The following DNAI1 variants were observed in gnomAD, a reference collection of about 807,000 sequenced individuals.
DNAI1 encodes the protein dynein axonemal intermediate chain 1.
A neutral mutation model predicts 92.0 loss-of-function variants in DNAI1; 67 were observed. That is an observed-to-expected ratio of 0.73 (90% CI 0.60 to 0.89). The LOEUF (loss-of-function observed/expected upper bound fraction) is 0.89, where lower values mean the gene tolerates loss of function less well. Among genes scored for constraint, DNAI1 ranks in the 40% least tolerant of loss-of-function variants. The probability of loss-of-function intolerance (pLI) is 0.00; values close to 1 mark genes in which losing one functional copy is unlikely to be tolerated. For missense variants in DNAI1, 839 were observed against 866.6 expected, an observed-to-expected ratio of 0.97 and a Z score of 0.40; for synonymous variants, 323 against 319.6, an observed-to-expected ratio of 1.01 and a Z score of -0.11.
At chr9:34,481,830 G>A (rs1824362443) in intron 1 of DNAI1, among the ~76,000 whole-genome samples, 2 of 152,220 alleles carry the variant, frequency 1.3e-5, no homozygotes. Context: ...AAGCAGCGTG[G>A]ACCCAAAGAG....
chr9:34,491,557 A>G lies in DNAI1; in HGVS notation c.681+3A>G. ...ACTTTTCAGCCACAGCCAATCAGGT[A>G]AGACCCTGGGCCAGCCTGAAACCTC... On this transcript the variant is annotated splice_donor_region_variant and intron_variant, in intron 8 of 19. Coordinates refer to ENST00000242317, the MANE Select transcript of DNAI1 (RefSeq NM_012144.4). 2 of 1,614,208 alleles carry G rather than the reference A, an allele frequency of 1.2e-6. No homozygotes were observed. The highest frequency in any genetic ancestry group is 2.2e-5 in the South Asian group (2 of 91,080).
rs570716480 is a variant in DNAI1, at chr9:34,506,882, A to G, written c.1311+8A>G. 2 of 1,613,200 alleles carry G rather than the reference A, an allele frequency of 1.2e-6. No homozygotes were observed. The highest frequency in any genetic ancestry group is 3.3e-5 in the Admixed American group (2 of 59,902). On this transcript the variant is annotated splice_region_variant and intron_variant, in intron 13 of 19. Transcript: ENST00000242317. ...TCAGACCCTGTGTGGCAGGTCAGCA[A>G]CCAGGCTGGGAGGGGTGGGGATGGG...
chr9:34,509,722 T>TG (rs1263972179), intron 13 of DNAI1, among the ~76,000 whole-genome samples: 2 of 151,668 alleles, frequency 1.3e-5, no homozygotes, highest in African/African-American at 4.8e-5. Flanking sequence ...TGAGAGCTGG[T>TG]GGGGTAGCAA....
At chr9:34,461,686 AG>A (rs1414813495) in intron 1 of DNAI1, among the ~76,000 whole-genome samples, 2 of 152,164 alleles carry the variant, frequency 1.3e-5, no homozygotes, top group Non-Finnish European at 2.9e-5. Context: ...TGCCCCATGG[AG>A]GGAAGGGTTG....
chr9:34,492,716 T>C (rs551645937), intron 8 of DNAI1, among the ~76,000 whole-genome samples: 1 of 151,486 alleles, frequency 6.6e-6, no homozygotes, highest in Admixed American at 6.6e-5. Flanking sequence ...GATGGAGTTT[T>C]TGCCATGTTG....
chr9:34,487,271 C>T (rs904241748), intron 4 of DNAI1, among the ~76,000 whole-genome samples: 2 of 151,920 alleles, frequency 1.3e-5, no homozygotes, highest in Non-Finnish European at 2.9e-5. Context: ...CTGCAAGCTC[C>T]GCCTCCCGGG....
In DNAI1 at chr9:34,493,231, A is replaced by G. The variant is rs1824645064; in HGVS notation, c.719A>G (p.Lys240Arg). 16 of 1,614,088 alleles carry G rather than the reference A, an allele frequency of 9.9e-6. No homozygotes were observed. In the East Asian group the frequency reaches 3.6e-4, roughly 36 times the overall value. Residue 240 changes from lysine to arginine, a missense_variant, in exon 9 of 20, where the codon AAG becomes AGG. Physicochemically the swap from Lys to Arg is conservative, Grantham distance 26 (BLOSUM62 2). Coordinates refer to ENST00000242317, the MANE Select transcript of DNAI1 (RefSeq NM_012144.4). The stretch of plus-strand genomic sequence containing the variant: ...GATGCCTATGTAGAGGAACTTGAGA[A>G]GCAGGAAAAGACCAAAGAGAAGGAG... ...IYDAYVEELE[K>R]QEKTKEKEKA...
chr9:34,493,083 G>A (rs1824640723), intron 8 of DNAI1, 111 bp from the exon 9 acceptor site: 1 of 1,433,730 alleles, frequency 7.0e-7, no homozygotes, highest in Non-Finnish European at 9.8e-7. Context: ...AGTAGAAGAT[G>A]CTTGTTGCCA....
intron 13 of DNAI1, among the ~76,000 whole-genome samples, chr9:34,507,468 G>T (rs754474776): frequency 6.6e-6 from 1 of 152,216 alleles, no homozygotes; most frequent in African/African-American, 2.4e-5. Context: ...TTCATTAAAT[G>T]TAAGTGGATC....
At chr9:34,499,093 T>G (rs1186416470) in intron 10 of DNAI1, among the ~76,000 whole-genome samples, 1 of 152,208 alleles carries the variant, frequency 6.6e-6, no homozygotes, top group Non-Finnish European at 1.5e-5. Context: ...CTCCTTTCCC[T>G]TTGGGAAAGT....
chr9:34,496,740 C>T (rs1408617148), intron 9 of DNAI1, among the ~76,000 whole-genome samples: 1 of 152,186 alleles, frequency 6.6e-6, no homozygotes, highest in East Asian at 1.9e-4. Flanking sequence ...TCTGTCTCCA[C>T]CAAAGAAGGC....
intron 1 of DNAI1, among the ~76,000 whole-genome samples, chr9:34,459,607 G>A (rs1003457432): frequency 1.3e-5 from 2 of 152,106 alleles, no homozygotes; most frequent in Admixed American, 6.5e-5. Context: ...CACCACGCCC[G>A]GCTAAATTTT....
rs1412316100 is a variant in DNAI1, at chr9:34,512,380, G to T, written c.1445G>T (p.Gly482Val). 6.2e-7 allele frequency: 1 copy of T among 1,614,172 alleles called. No homozygotes were observed. Residue 482 changes from glycine (G) to valine (V), a missense_variant, in exon 15 of 20, where the codon GGC becomes GTC. Transcript: ENST00000242317. ...HIDVIKLKVE[G>V]STTEVPEGLQ... ...GATGTCATCAAGCTGAAGGTGGAAG[G>T]CAGCACCACGGAAGTTCCTGAGGGG... is the stretch of plus-strand genomic sequence containing the variant.
rs1427393338 is a variant in DNAI1, at chr9:34,493,274, G to A, written c.762G>A (p.Val254=). Residue 254 remains valine (V), a synonymous_variant, in exon 9 of 20, where the codon GTG becomes GTA. Transcript: ENST00000242317. The stretch of plus-strand genomic sequence containing the variant: ...AGAAGGAGAAGGCAAAGACCCCAGT[G>A]GCTAAAAAATCAGGGAAGATGGCCA... ...TKEKEKAKTP[V]AKKSGKMAMR... is the part of the protein sequence containing the mutation. 2 of 1,614,134 alleles carry A rather than the reference G, an allele frequency of 1.2e-6. No individual in the cohort carries two copies. Among genetic ancestry groups the A allele is most frequent in the Non-Finnish European group, 1.7e-6 (2 of 1,180,008 alleles).
At chr9:34,514,302 A>G (rs761031490) in intron 16 of DNAI1, 92 bp from the exon 17 acceptor site, 73 of 1,519,478 alleles carry the variant, frequency 4.8e-5, no homozygotes, top group Non-Finnish European at 6.1e-5. Flanking sequence ...GGTTAAGGAC[A>G]GGAGTCTAAG....
rs186227511 is a variant in DNAI1, at chr9:34,473,492, C to G, written c.49-9956C>G. Among the ~76,000 whole-genome samples, 498 of 152,072 alleles carry G rather than the reference C, an allele frequency of 3.3e-3. 2 individuals carry two copies. Among genetic ancestry groups the G allele is most frequent in the African/African-American group, 0.011 (459 of 41,460 alleles). On this transcript the variant is annotated intron_variant, in intron 1 of 19. Transcript: ENST00000242317. ...TTTTTAGTAGAGACAGGGTTTCGCC[C>G]TGTTGGCCAGGCTGATTTCGAGCTC...
intron 1 of DNAI1, among the ~76,000 whole-genome samples, chr9:34,477,479 G>A (rs536190388): frequency 3.3e-5 from 5 of 152,190 alleles, no homozygotes; most frequent in African/African-American, 9.6e-5. Context: ...GTAAATGACC[G>A]GCCCAGAGTA....
At chr9:34,501,241 T>C in intron 12 of DNAI1, 60 bp downstream of exon 12, 2 of 1,341,004 alleles carry the variant, frequency 1.5e-6, no homozygotes, top group Admixed American at 1.7e-5. Context: ...AAGTACCTAC[T>C]CTGTGCAGAA....
rs1165201337 is a variant in DNAI1 at position 34,497,132 on chromosome 9, A to G, written c.834A>G (p.Lys278=). ...CCCCACAGACTGATGATCTCATCAA[A>G]TTGTCCCAAGCTGCTAAGATCATGG... ...SMESQTDDLI[K]LSQAAKIMER... Residue 278 remains lysine (K), a synonymous_variant, in exon 10 of 20, where the codon AAA becomes AAG. Transcript: ENST00000242317. The G allele has an allele frequency of 6.2e-7, 1 of 1,613,970 alleles. No homozygotes were observed. The highest frequency in any genetic ancestry group is 8.5e-7 in the Non-Finnish European group (1 of 1,179,942).
Sources: gnomAD v4.1 joint callset for allele counts (sites outside exome capture counted in the v4.1 genomes callset) on GRCh38, gnomAD v4.1.1 for gene constraint, MANE v1.5 for transcripts, NCBI Gene and HGNC (gene_info 2026-07-23, HGNC 2026-07-21) for gene names.